Variants in TET2 observed in about 807,000 individuals in gnomAD.
The protein encoded by TET2 is tet methylcytosine dioxygenase 2.
TET2 carries 299 observed loss-of-function variants against 142.9 expected under a neutral mutation model. The ratio of observed to expected loss-of-function variants is 2.09; its 90% CI spans 1.90 to 2.30. TET2 has a LOEUF of 2.30. TET2 is among the 30% of genes most tolerant of loss of function. The pLI, the probability that TET2 is intolerant of heterozygous loss-of-function variation, is 0.00. For missense variants in TET2, 2,418 were observed against 2,378.0 expected (o/e 1.02, Z -0.35); for synonymous variants, 819 against 849.0 (o/e 0.96, Z 0.61).
rs1327956989 is a variant in TET2 at position 105,276,479 on chromosome 4, C to T, written c.5969C>T (p.Ala1990Val). ...TDSTVTTSPY[A>V]FTRVTGPYNR... ...TCCACAGTAACTACATCTCCATATG[C>T]CTTCACTCGGGTCACAGGGCCTTAC... The change falls in exon 11 of 11, where the codon GCC becomes GTC. Residue 1990 changes from alanine to valine, a missense_variant. By Grantham distance (64) the Ala-to-Val change is moderately conservative (BLOSUM62 0). Coordinates refer to ENST00000380013, the MANE Select transcript of TET2 (RefSeq NM_001127208.3). The T allele has an allele frequency of 1.9e-6, 3 of 1,551,696 alleles. No homozygotes were observed. The highest frequency in any genetic ancestry group is 2.0e-5 in the Admixed American group (1 of 50,990).
At chr4:105,242,024 A>G in intron 4 of TET2, 1 of 1,240,026 alleles carries the variant, frequency 8.1e-7, no homozygotes, top group Non-Finnish European at 1.0e-6. Context: ...GAGCGAGATA[A>G]TGCAGAGAAG....
intron 1 of TET2, among the ~76,000 whole-genome samples, chr4:105,148,585 G>C (rs943930278): frequency 6.6e-6 from 1 of 152,176 alleles, no homozygotes; most frequent in African/African-American, 2.4e-5. Flanking sequence ...GTGTGATACT[G>C]TGGGTATTGT....
At chr4:105,270,543 CATT>C (rs958322693) in intron 9 of TET2, among the ~76,000 whole-genome samples, 19 of 152,264 alleles carry the variant, frequency 1.2e-4, no homozygotes, top group African/African-American at 4.3e-4. Flanking sequence ...AACACATCAT[CATT>C]GTCACAGTAA....
chr4:105,154,911 G>T (rs1723487009), intron 1 of TET2, among the ~76,000 whole-genome samples: 1 of 152,100 alleles, frequency 6.6e-6, no homozygotes, highest in African/African-American at 2.4e-5. Context: ...TGTAGTTCCA[G>T]GTACTTGTGG....
chr4:105,272,147 CAG>C (rs1368344717), intron 9 of TET2, among the ~76,000 whole-genome samples: 2 of 152,148 alleles, frequency 1.3e-5, no homozygotes, highest in Admixed American at 6.5e-5. Context: ...CTACCAAAAA[CAG>C]AGGAAGTCAT....
In TET2 at chr4:105,234,003, T is replaced by C; in HGVS notation, c.61T>C (p.Ser21Pro). ...GNRLSPFLIP[S>P]PPICQTEPLA... ...CAGACTAAGTCCATTCCTGATACCA[T>C]CACCTCCCATTTGCCAGACAGAACC... is the stretch of plus-strand genomic sequence containing the variant. Residue 21 changes from serine to proline, a missense_variant, in exon 3 of 11, where the codon TCA becomes CCA. Transcript: ENST00000380013. 1.2e-6 allele frequency: 2 copies of C among 1,614,050 alleles called. No homozygotes were observed. Among genetic ancestry groups the C allele is most frequent in the South Asian group, 2.2e-5 (2 of 91,082 alleles).
At chr4:105,258,648 GTAT>G (rs932202826) in intron 6 of TET2, among the ~76,000 whole-genome samples, 2 of 152,000 alleles carry the variant, frequency 1.3e-5, no homozygotes, top group African/African-American at 4.8e-5. Flanking sequence ...AGTTGACAGA[GTAT>G]TATTATCTTT....
chr4:105,273,585 C>G (rs906575944), intron 10 of TET2, among the ~76,000 whole-genome samples: 2 of 152,062 alleles, frequency 1.3e-5, no homozygotes, highest in East Asian at 1.9e-4. Context: ...TGACAAAACA[C>G]TGGAATGAAA....
intron 2 of TET2, among the ~76,000 whole-genome samples, chr4:105,224,869 A>G (rs572893069): frequency 1.5e-4 from 23 of 152,238 alleles, no homozygotes; most frequent in Non-Finnish European, 3.1e-4. Flanking sequence ...GGTGGTATTT[A>G]TAGTAAATAG....
intron 2 of TET2, among the ~76,000 whole-genome samples, chr4:105,228,233 A>G (rs1202396602): frequency 6.6e-6 from 1 of 152,118 alleles, no homozygotes; most frequent in Non-Finnish European, 1.5e-5. Flanking sequence ...TATTAGTTTA[A>G]ATTTCCTGAA....
chr4:105,224,138 TA>T lies in TET2; in HGVS notation c.-46-9755del, dbSNP rs573557103. Among the ~76,000 whole-genome samples, 323 of 151,084 alleles carry T rather than the reference TA, an allele frequency of 2.1e-3. 1 individual carries two copies. The highest frequency in any genetic ancestry group is 7.4e-3 in the African/African-American group (303 of 41,190). On this transcript the variant is annotated intron_variant, in intron 2 of 10. Transcript: ENST00000380013. Reference sequence around the variant, plus strand: ...TGATGTGTATTTTTTCTTAGAGCAATAAAAGATATACCCCCACCTAGAAAAG... The same window carrying T: ...TGATGTGTATTTTTTCTTAGAGCAATAAAGATATACCCCCACCTAGAAAAG...
intron 1 of TET2, among the ~76,000 whole-genome samples, chr4:105,182,626 T>C (rs1313034211): frequency 1.3e-5 from 2 of 152,210 alleles, no homozygotes; most frequent in Non-Finnish European, 2.9e-5. Context: ...TAAAAAAGTA[T>C]TTTTTATTTG....
At chr4:105,246,820 C>T (rs985678628) in intron 6 of TET2, among the ~76,000 whole-genome samples, 13 of 152,212 alleles carry the variant, frequency 8.5e-5, no homozygotes, top group Admixed American at 7.2e-4. Context: ...AAACCACCCA[C>T]TGTGAGTTCA....
At chr4:105,226,933 A>C (rs901574884) in intron 2 of TET2, among the ~76,000 whole-genome samples, 1 of 152,226 alleles carries the variant, frequency 6.6e-6, no homozygotes, top group Non-Finnish European at 1.5e-5. Context: ...AGAATTCTGG[A>C]AATAAAGATG....
intron 1 of TET2, among the ~76,000 whole-genome samples, chr4:105,182,418 T>A (rs1285969650): frequency 2.6e-5 from 4 of 152,244 alleles, no homozygotes; most frequent in Non-Finnish European, 5.9e-5. Context: ...CCTGGACATA[T>A]GAGCTGTTAA....
chr4:105,195,675 A>G (rs1726043728), intron 2 of TET2, among the ~76,000 whole-genome samples: 1 of 150,782 alleles, frequency 6.6e-6, no homozygotes, highest in African/African-American at 2.5e-5. Flanking sequence ...GTGACAAGAA[A>G]ATTAATCTGT....
At chr4:105,229,270 C>A (rs1034865167) in intron 2 of TET2, among the ~76,000 whole-genome samples, 8 of 152,134 alleles carry the variant, frequency 5.3e-5, no homozygotes, top group African/African-American at 9.7e-5. Flanking sequence ...GTAAATCTAG[C>A]AGAAATAAAA....
At chr4:105,173,016 C>G (rs1394250999) in intron 1 of TET2, among the ~76,000 whole-genome samples, 1 of 152,038 alleles carries the variant, frequency 6.6e-6, no homozygotes, top group East Asian at 1.9e-4. Flanking sequence ...TTTTTATAAA[C>G]CAAATTTTAA....
chr4:105,150,596 G>C (rs1723248264), intron 1 of TET2, among the ~76,000 whole-genome samples: 1 of 152,176 alleles, frequency 6.6e-6, no homozygotes, highest in African/African-American at 2.4e-5. Context: ...TATCTCCCAA[G>C]CCAACTTTAC....
Sources: gnomAD v4.1 joint callset for allele counts (sites outside exome capture counted in the v4.1 genomes callset) on GRCh38, gnomAD v4.1.1 for gene constraint, MANE v1.5 for transcripts, NCBI Gene and HGNC (gene_info 2026-07-23, HGNC 2026-07-21) for gene names.